LMO7: variants seen among roughly 807,000 people sequenced by gnomAD.
LMO7 encodes the protein LIM domain only protein 7.
A neutral mutation model predicts 206.5 loss-of-function variants in LMO7; 120 were observed. The ratio of observed to expected loss-of-function variants is 0.58; its 90% CI spans 0.50 to 0.68. LMO7 has a LOEUF of 0.68. LMO7 is among the 30% of genes least tolerant of loss of function. The probability of loss-of-function intolerance (pLI) is 0.00; values close to 1 mark genes in which losing one functional copy is unlikely to be tolerated. For missense variants in LMO7, 1,959 were observed against 1,957.9 expected, an observed-to-expected ratio of 1.00 and a Z score of -0.01; for synonymous variants, 706 against 681.5, an observed-to-expected ratio of 1.04 and a Z score of -0.56.
intron 11 of LMO7, among the ~76,000 whole-genome samples, chr13:75,814,601 A>G (rs1024852697): frequency 6.6e-6 from 1 of 152,214 alleles, no homozygotes; most frequent in South Asian, 2.1e-4. Context: ...GCTCCCCTTC[A>G]GGTACAGGTG....
chr13:75,640,604 T>C (rs1416989791), intron 1 of LMO7, among the ~76,000 whole-genome samples: 1 of 152,184 alleles, frequency 6.6e-6, no homozygotes, highest in African/African-American at 2.4e-5. Flanking sequence ...GTTCTATTCG[T>C]TTTTCTATAT....
chr13:75,837,283 C>A (rs1026250258), intron 19 of LMO7, among the ~76,000 whole-genome samples: 4 of 152,092 alleles, frequency 2.6e-5, no homozygotes, highest in African/African-American at 7.2e-5. Context: ...TTTTCAGTTG[C>A]ATTCTTTATC....
intron 4 of LMO7, among the ~76,000 whole-genome samples, chr13:75,791,893 G>T (rs1467299634): frequency 1.3e-5 from 2 of 152,046 alleles, no homozygotes; most frequent in Non-Finnish European, 2.9e-5. Context: ...CATTTTATCT[G>T]TACCCATTTT....
intron 1 of LMO7, among the ~76,000 whole-genome samples, chr13:75,637,984 G>C (rs1008209308): frequency 4.6e-5 from 7 of 152,174 alleles, no homozygotes; most frequent in African/African-American, 7.2e-5. Context: ...ATTGAAATGA[G>C]AGTGGAAAAA....
At position 75,805,459 on chromosome 13, in the gene LMO7, C is replaced by A. The variant is rs370835792; in HGVS notation, c.915-20C>A. The A allele has an allele frequency of 1.4e-5, 23 of 1,608,678 alleles. No homozygotes were observed. The highest frequency in any genetic ancestry group is 1.9e-5 in the Non-Finnish European group (22 of 1,176,750). ...ACAAATGCTCATACAGTGTCTTAAC[C>A]GGTTGGATGTTTTGAACAGTAATCA... On this transcript the variant is annotated intron_variant, in intron 8 of 30. Transcript: ENST00000377534.
intron 1 of LMO7, among the ~76,000 whole-genome samples, chr13:75,701,958 T>C (rs1199778732): frequency 6.6e-6 from 1 of 152,228 alleles, no homozygotes; most frequent in Non-Finnish European, 1.5e-5. Flanking sequence ...CCCTGTTTTA[T>C]TTAGTTTTTC....
Position 75,799,753 on chromosome 13 carries a change from T to TA in LMO7, c.463-925dup, listed in dbSNP as rs571846615. On this transcript the variant is annotated intron_variant, in intron 6 of 30. Transcript: ENST00000377534. ...TATGACAAAATTATCTTCACCATAT[T>TA]AAAAAATTATAGTTACGAGATATTC... Among the ~76,000 whole-genome samples, 12 of 152,278 alleles carry TA rather than the reference T, an allele frequency of 7.9e-5. No homozygotes were observed. The East Asian group carries it at 2.3e-3, about 29-fold the overall frequency.
intron 2 of LMO7, among the ~76,000 whole-genome samples, chr13:75,725,121 T>C (rs187574165): frequency 1.3e-5 from 2 of 152,228 alleles, no homozygotes; most frequent in East Asian, 1.9e-4. Flanking sequence ...TGAGAGTAGG[T>C]TGTGCTATTA....
intron 4 of LMO7, among the ~76,000 whole-genome samples, chr13:75,787,855 AC>A (rs2052675330): frequency 6.6e-6 from 1 of 152,194 alleles, no homozygotes; most frequent in Non-Finnish European, 1.5e-5. Context: ...AATGCAGCTT[AC>A]TTTTTTTGAG....
chr13:75,708,609 A>C (rs962735678), intron 1 of LMO7, among the ~76,000 whole-genome samples: 5 of 151,944 alleles, frequency 3.3e-5, no homozygotes, highest in African/African-American at 9.7e-5. Flanking sequence ...GACATGTTAC[A>C]ACGTTTTCTA....
chr13:75,654,876 C>CTT lies in LMO7; in HGVS notation c.69+18162_69+18163dup, dbSNP rs60476451. Among the ~76,000 whole-genome samples, 749 of 141,108 alleles carry CTT rather than the reference C, an allele frequency of 5.3e-3. 12 individuals carry two copies. The highest frequency in any genetic ancestry group is 0.013 in the African/African-American group (497 of 37,400). The allele number at this position is 141,108 out of a possible 152,430, so 92.6% of individuals were successfully genotyped here. ...AACTACTTTTTCTTTTCTCTTCTCT[C>CTT]TTTTTTTTTTTTTGACAAAATCTTC... is the stretch of plus-strand genomic sequence containing the variant. On this transcript the variant is annotated intron_variant, in intron 1 of 30. Transcript: ENST00000377534.
chr13:75,666,791 C>CA (rs1305456966), intron 1 of LMO7, among the ~76,000 whole-genome samples: 1 of 152,194 alleles, frequency 6.6e-6, no homozygotes, highest in African/African-American at 2.4e-5. Flanking sequence ...TTTGCAAGAG[C>CA]ATGAGCTAAT....
intron 4 of LMO7, among the ~76,000 whole-genome samples, chr13:75,783,060 C>T (rs1183265348): frequency 6.6e-6 from 1 of 152,142 alleles, no homozygotes; most frequent in Non-Finnish European, 1.5e-5. Flanking sequence ...ACAAAGAATT[C>T]AAAATGGAAT....
chr13:75,777,820 T>TA (rs1297339599), intron 4 of LMO7, among the ~76,000 whole-genome samples: 3 of 151,992 alleles, frequency 2.0e-5, no homozygotes, highest in Non-Finnish European at 2.9e-5. Flanking sequence ...TAATTTTTTG[T>TA]GTTTTTAGTA....
intron 15 of LMO7, among the ~76,000 whole-genome samples, chr13:75,829,378 T>C (rs2058435668): frequency 6.6e-6 from 1 of 152,052 alleles, no homozygotes; most frequent in South Asian, 2.1e-4. Flanking sequence ...ATGAGGACAG[T>C]GGTGGGTGTA....
Position 75,807,463 on chromosome 13 carries a change from T to C in LMO7, c.1197-17T>C, listed in dbSNP as rs754401568. 6.2e-7 allele frequency: 1 copy of C among 1,608,426 alleles called. No individual in the cohort carries two copies. On this transcript the variant is annotated splice_polypyrimidine_tract_variant and intron_variant, in intron 9 of 30. Transcript: ENST00000377534. ...GCTTAATAAGATTCTCTTTCCTTTT[T>C]CCTCTCTGTGCATCAGTCAGTTTTT...
chr13:75,777,342 C>T (rs2050646599), intron 4 of LMO7, among the ~76,000 whole-genome samples: 1 of 152,226 alleles, frequency 6.6e-6, no homozygotes, highest in Non-Finnish European at 1.5e-5. Context: ...AGAATATGTT[C>T]ATGCTATTCC....
chr13:75,713,124 T>C (rs2043254087), intron 1 of LMO7, 58 bp from the exon 2 acceptor site: 1 of 1,208,678 alleles, frequency 8.3e-7, no homozygotes, highest in Admixed American at 1.9e-5. Context: ...TAATACTGAA[T>C]TGGACTTGTG....
Position 75,808,235 on chromosome 13 carries a change from TGGA to T in LMO7, c.1916+37_1916+39del, listed in dbSNP as rs1269551075. The T allele has an allele frequency of 5.1e-6, 8 of 1,557,686 alleles. No homozygotes were observed. The African/African-American group carries it at 9.6e-5, about 19-fold the overall frequency. Reference sequence around the variant, plus strand: ...GTTTCTGCAAGGATTTTGCTTGTAATGGATGGTCTTGTGTAACTTTTCTCATGC... The same window carrying T: ...GTTTCTGCAAGGATTTTGCTTGTAATTGGTCTTGTGTAACTTTTCTCATGC... On this transcript the variant is annotated intron_variant, in intron 10 of 30. Transcript: ENST00000377534.
Sources: allele counts gnomAD v4.1 joint callset (sites outside exome capture counted in the v4.1 genomes callset), GRCh38; gene constraint gnomAD v4.1.1; transcripts MANE v1.5; gene names NCBI Gene and HGNC (gene_info 2026-07-23, HGNC 2026-07-21).